The following TRPM8 variants were observed in gnomAD, a reference collection of about 807,000 sequenced individuals.
The protein encoded by TRPM8 is TRPM8 cationic channel.
TRPM8 carries 110 observed loss-of-function variants against 133.7 expected under a neutral mutation model. That is an observed-to-expected ratio of 0.82 (90% CI 0.70 to 0.96). The LOEUF (loss-of-function observed/expected upper bound fraction) is 0.96. Ranked by LOEUF, TRPM8 falls within the 40% of genes least tolerant of loss-of-function variation. The pLI, the probability that TRPM8 is intolerant of heterozygous loss-of-function variation, is 0.00. For missense variants in TRPM8, 1,291 were observed against 1,379.5 expected, an observed-to-expected ratio of 0.94 and a Z score of 1.02; for synonymous variants, 535 against 532.3, an observed-to-expected ratio of 1.01 and a Z score of -0.07.
intron 21 of TRPM8, among the ~76,000 whole-genome samples, chr2:233,987,980 T>G (rs1692189435): frequency 6.6e-6 from 1 of 152,076 alleles, no homozygotes; most frequent in African/African-American, 2.4e-5. Flanking sequence ...CTCTTTTTTT[T>G]TTTTTTTCTG....
intron 5 of TRPM8, 44 bp downstream of exon 5, chr2:233,939,219 C>A: frequency 6.2e-7 from 1 of 1,603,422 alleles, no homozygotes; most frequent in South Asian, 1.1e-5. Context: ...ATTCGGGCTG[C>A]ACCAAGTTTG....
At chr2:233,959,887 T>C (rs903308963) in intron 11 of TRPM8, among the ~76,000 whole-genome samples, 1 of 151,916 alleles carries the variant, frequency 6.6e-6, no homozygotes, top group Non-Finnish European at 1.5e-5. Context: ...GTTCAAGTGA[T>C]TCTCGTGCCT....
intron 9 of TRPM8, among the ~76,000 whole-genome samples, chr2:233,953,323 C>T (rs2125140133): frequency 6.6e-6 from 1 of 152,348 alleles, no homozygotes; most frequent in Admixed American, 6.5e-5. Context: ...ACCAGACTTG[C>T]TCCCTTGGCT....
At chr2:233,994,732 A>G (rs926784388) in intron 21 of TRPM8, among the ~76,000 whole-genome samples, 25 of 152,206 alleles carry the variant, frequency 1.6e-4, no homozygotes, top group African/African-American at 5.5e-4. Context: ...GTAATGTACT[A>G]AGGTGCAAGA....
At chr2:233,949,225 C>T (rs17868389) in intron 8 of TRPM8, among the ~76,000 whole-genome samples, 7,223 of 152,212 alleles carry the variant, frequency 0.047, 222 homozygotes, top group Middle Eastern at 0.092. Flanking sequence ...CATCTGGCTT[C>T]CTGGGTGATG....
In TRPM8 at chr2:233,926,627, G is replaced by T. The variant is rs746137799; in HGVS notation, c.90G>T (p.Arg30=). 6.2e-7 allele frequency: 1 copy of T among 1,614,124 alleles called. No homozygotes were observed. The highest frequency in any genetic ancestry group is 1.1e-5 in the South Asian group (1 of 91,074). Reference sequence around the variant, plus strand: ...GGACCCTGTACTCCAGCGCGTCTCGGAGCACAGACTTGTCTTACAGTGAAA... The same window carrying T: ...GGACCCTGTACTCCAGCGCGTCTCGTAGCACAGACTTGTCTTACAGTGAAA... The part of the protein sequence containing the change: ...STRTLYSSAS[R]STDLSYSESD... Residue 30 remains arginine (R), a synonymous_variant, in exon 2 of 26, where the codon CGG becomes CGT. Transcript: ENST00000324695.
chr2:234,000,196 C>T (rs563554899), intron 22 of TRPM8, among the ~76,000 whole-genome samples: 11 of 151,688 alleles, frequency 7.3e-5, no homozygotes, highest in South Asian at 2.1e-4. Context: ...CTGCAACCTC[C>T]GCCTCCTGGG....
chr2:234,001,663 C>T (rs989866216), intron 22 of TRPM8, among the ~76,000 whole-genome samples: 5 of 152,220 alleles, frequency 3.3e-5, no homozygotes, highest in African/African-American at 1.2e-4. Flanking sequence ...CCCCCCTTAG[C>T]ACCTATAAAA....
rs116331220 is a variant in TRPM8 at position 233,944,233 on chromosome 2, A to T, written c.699+1485A>T. Among the ~76,000 whole-genome samples, 247 of 152,348 alleles carry T rather than the reference A, an allele frequency of 1.6e-3. 1 individual carries two copies. The highest frequency in any genetic ancestry group is 2.8e-3 in the Non-Finnish European group (192 of 68,032). Reference sequence around the variant, plus strand: ...GCAAAATGATTTCACATCAAATGCCAACTTCAGGGATGAGAGTGGCCTAGA... The same window carrying T: ...GCAAAATGATTTCACATCAAATGCCTACTTCAGGGATGAGAGTGGCCTAGA... On this transcript the variant is annotated intron_variant, in intron 6 of 25. Transcript: ENST00000324695.
rs1245779197 is a variant in TRPM8 at position 233,964,774 on chromosome 2, G to C, written c.1879+17G>C. On this transcript the variant is annotated intron_variant, in intron 14 of 25. Transcript: ENST00000324695. The stretch of plus-strand genomic sequence containing the variant: ...GGGCTGTTGGTGAGTCCACAGTGTG[G>C]AATGCTGTGGTGGGCGCGGATCTGC... 6.3e-7 allele frequency: 1 copy of C among 1,594,166 alleles called. No individual in the cohort carries two copies. Among genetic ancestry groups the C allele is most frequent in the Non-Finnish European group, 8.6e-7 (1 of 1,165,530 alleles).
At position 233,969,764 on chromosome 2, in the gene TRPM8, C is replaced by T; in HGVS notation, c.2095C>T (p.Leu699=). ...DTKNWKIILC[L]FIIPLVGCGF... ...CAAGAACTGGAAGATTATCCTGTGT[C>T]TGTTTATTATACCCTTGGTGGGCTG... The change falls in exon 16 of 26, where the codon CTG becomes TTG. Residue 699 remains leucine (L), a synonymous_variant. Coordinates refer to ENST00000324695, the MANE Select transcript of TRPM8 (RefSeq NM_024080.5). 1.2e-6 allele frequency: 2 copies of T among 1,613,914 alleles called. No individual in the cohort carries two copies. Among genetic ancestry groups the T allele is most frequent in the South Asian group, 2.2e-5 (2 of 91,076 alleles).
At chr2:233,955,095 C>G in intron 10 of TRPM8, 37 bp from the exon 11 acceptor site, 3 of 1,498,216 alleles carry the variant, frequency 2.0e-6, no homozygotes, top group Middle Eastern at 1.7e-4. Flanking sequence ...TATTTCTGAG[C>G]CTTTGGTGAG....
At chr2:234,013,381 GAT>G (rs1172650685) in intron 24 of TRPM8, 1 of 152,032 alleles carries the variant, frequency 6.6e-6, no homozygotes, top group Non-Finnish European at 1.5e-5. Context: ...ACATTTCTGG[GAT>G]ATTTCCATTT....
chr2:233,991,018 C>T (rs996945328), intron 21 of TRPM8, among the ~76,000 whole-genome samples: 3 of 152,056 alleles, frequency 2.0e-5, no homozygotes, highest in African/African-American at 4.8e-5. Flanking sequence ...CTAGGATCTG[C>T]AGCAGCAGCT....
At position 233,939,990 on chromosome 2, in the gene TRPM8, G is replaced by T. The variant is rs547511937; in HGVS notation, c.526+815G>T. Among the ~76,000 whole-genome samples the T allele has an allele frequency of 3.5e-4, 53 of 151,776 alleles. 2 individuals are homozygous for T. In the South Asian group the frequency reaches 0.011, roughly 31 times the overall value. On this transcript the variant is annotated intron_variant, in intron 5 of 25. Coordinates refer to ENST00000324695, the MANE Select transcript of TRPM8 (RefSeq NM_024080.5). ...CGAATTTTGCTAATTATCTCAACAA[G>T]GTCCTTTAGAGTAAACATTCTTTTT...
At chr2:233,983,960 C>T (rs115985652) in intron 20 of TRPM8, among the ~76,000 whole-genome samples, 2 of 152,144 alleles carry the variant, frequency 1.3e-5, no homozygotes, top group Non-Finnish European at 2.9e-5. Flanking sequence ...TCTTCCAAGA[C>T]CTTAGAAACA....
chr2:233,925,490 G>C (rs2125034933), intron 1 of TRPM8, among the ~76,000 whole-genome samples: 1 of 152,290 alleles, frequency 6.6e-6, no homozygotes, highest in Non-Finnish European at 1.5e-5. Flanking sequence ...CAGCTGGAGG[G>C]GTATGGGGAA....
intron 17 of TRPM8, among the ~76,000 whole-genome samples, chr2:233,975,470 T>A (rs539980860): frequency 6.6e-6 from 1 of 152,348 alleles, no homozygotes; most frequent in Non-Finnish European, 1.5e-5. Context: ...CTGCTACTTT[T>A]CACCCCTCAG....
intron 18 of TRPM8, among the ~76,000 whole-genome samples, chr2:233,981,373 G>A (rs1173159785): frequency 6.6e-6 from 1 of 152,150 alleles, no homozygotes; most frequent in African/African-American, 2.4e-5. Flanking sequence ...AATGAGGTAA[G>A]TTTCATTAGG....
Sources: gnomAD v4.1 joint callset for allele counts (sites outside exome capture counted in the v4.1 genomes callset) on GRCh38, gnomAD v4.1.1 for gene constraint, MANE v1.5 for transcripts, NCBI Gene and HGNC (gene_info 2026-07-23, HGNC 2026-07-21) for gene names.